Variants in EHBP1L1 observed in about 807,000 individuals in gnomAD.
EHBP1L1 encodes the protein EH domain-binding protein 1-like protein 1.
A neutral mutation model predicts 151.1 loss-of-function variants in EHBP1L1; 122 were observed. That is an observed-to-expected ratio of 0.81 (90% CI 0.70 to 0.94). The LOEUF is 0.94. Among genes scored for constraint, EHBP1L1 ranks in the 40% least tolerant of loss-of-function variants. The pLI is 0.00. For synonymous variants in EHBP1L1, 878 were observed against 810.1 expected, an observed-to-expected ratio of 1.08 and a Z score of -1.42; for missense variants, 1,941 against 1,959.8, an observed-to-expected ratio of 0.99 and a Z score of 0.18.
chr11:65,579,507 T>C, intron 3 of EHBP1L1, 71 bp downstream of exon 3: 1 of 1,243,592 alleles, frequency 8.0e-7, no homozygotes, highest in South Asian at 1.7e-5. Context: ...AACACAGGTC[T>C]CCTGGTAGGT....
chr11:65,580,963 G>C, intron 6 of EHBP1L1, 95 bp from the exon 7 acceptor site: 2 of 1,486,686 alleles, frequency 1.3e-6, no homozygotes, highest in Non-Finnish European at 9.0e-7. Context: ...GCGTTTCCCA[G>C]GTAGGACCTG....
intron 1 of EHBP1L1, 25 bp downstream of exon 1, chr11:65,576,431 CT>C (rs753125212): frequency 5.2e-6 from 8 of 1,541,704 alleles, no homozygotes; most frequent in Non-Finnish European, 7.0e-6. Context: ...GGCGGGGGGG[CT>C]CCCCCGAACT....
At position 65,584,296 on chromosome 11, in the gene EHBP1L1, TCAC is replaced by T. The variant is rs1271877107; in HGVS notation, c.3153_3155del (p.Thr1052del). 1 of 1,611,308 alleles carries T rather than the reference TCAC, an allele frequency of 6.2e-7. No individual in the cohort carries two copies. Among genetic ancestry groups the T allele is most frequent in the Non-Finnish European group, 8.5e-7 (1 of 1,178,878 alleles). ...TCCCTGCTGGAGTGGTGCCAGGAAGTCACCACTGGCTACCGTGGCGTCCGCATC... is the reference window on the plus strand; with the variant it reads ...TCCCTGCTGGAGTGGTGCCAGGAAGTCACTGGCTACCGTGGCGTCCGCATC... On this transcript the variant is annotated inframe_deletion, in exon 10 of 19. Coordinates refer to ENST00000309295, the MANE Select transcript of EHBP1L1 (RefSeq NM_001099409.3).
At chr11:65,580,788 T>C (rs1243171054) in intron 6 of EHBP1L1, 3 of 812,780 alleles carry the variant, frequency 3.7e-6, no homozygotes, top group Non-Finnish European at 5.5e-6. Flanking sequence ...GCCCGGCTCC[T>C]GATCCCTCAC....
intron 11 of EHBP1L1, 193 bp from the exon 12 acceptor site, chr11:65,584,766 T>A (rs894387252): frequency 1.0e-6 from 1 of 958,886 alleles, no homozygotes; most frequent in Non-Finnish European, 1.5e-6. Context: ...GGTAACGGGG[T>A]GGACGGTGTG....
chr11:65,580,646 C>T (rs536937688), intron 6 of EHBP1L1, among the ~76,000 whole-genome samples, 167 bp downstream of exon 6: 4 of 152,324 alleles, frequency 2.6e-5, no homozygotes, highest in African/African-American at 7.2e-5. Context: ...CTGCTGGTCC[C>T]ACGATAGCCT....
chr11:65,580,012 G>T, intron 4 of EHBP1L1, 23 bp downstream of exon 4: 1 of 1,613,738 alleles, frequency 6.2e-7, no homozygotes, highest in African/African-American at 1.3e-5. Flanking sequence ...AGTGGGCTCA[G>T]GTCTGGAATC....
At position 65,582,667 on chromosome 11, in the gene EHBP1L1, G is replaced by T. The variant is rs1326043113; in HGVS notation, c.1995G>T (p.Gln665His). ...AAGCTGGGGGTTCAGGAGTTTTGCA[G>T]ACAAGAACTACGATAGCAGAGACTG... is the stretch of plus-strand genomic sequence containing the variant. ...KTEAGGSGVL[Q>H]TRTTIAETEV... Residue 665 changes from glutamine to histidine, a missense_variant, in exon 9 of 19, where the codon CAG (glutamine) becomes CAT (histidine). Physicochemically the swap from Gln to His is conservative, Grantham distance 24 (BLOSUM62 0). Coordinates refer to ENST00000309295, the MANE Select transcript of EHBP1L1 (RefSeq NM_001099409.3). The T allele has an allele frequency of 6.2e-7, 1 of 1,613,518 alleles. No homozygotes were observed. The highest frequency in any genetic ancestry group is 8.5e-7 in the Non-Finnish European group (1 of 1,179,852).
chr11:65,589,736 C>T lies in EHBP1L1; in HGVS notation c.3934-15C>T. On this transcript the variant is annotated splice_polypyrimidine_tract_variant and intron_variant, in intron 12 of 18. Coordinates refer to ENST00000309295, the MANE Select transcript of EHBP1L1 (RefSeq NM_001099409.3). ...GGAAACCCCTCCCAGCCCTCACTGG[C>T]CCCTTCTTCCACAGGAAGGCCAGGC... 1 of 1,527,400 alleles carries T rather than the reference C, an allele frequency of 6.5e-7. No homozygotes were observed. The highest frequency in any genetic ancestry group is 8.8e-7 in the Non-Finnish European group (1 of 1,136,360). The allele number at this position is 1,527,400 out of a possible 1,614,324, so 94.6% of individuals were successfully genotyped here.
chr11:65,583,874 TG>T, intron 9 of EHBP1L1, 109 bp downstream of exon 9: 3 of 1,422,994 alleles, frequency 2.1e-6, no homozygotes, highest in Non-Finnish European at 2.7e-6. Flanking sequence ...TCGGGTGGGG[TG>T]GGGGGCTCAG....
At chr11:65,587,593 A>G (rs1858040249) in intron 12 of EHBP1L1, among the ~76,000 whole-genome samples, 1 of 152,158 alleles carries the variant, frequency 6.6e-6, no homozygotes, top group African/African-American at 2.4e-5. Flanking sequence ...GCCCCCTGCA[A>G]GTTGCTGTCA....
Position 65,591,962 on chromosome 11 carries a change from G to A in EHBP1L1, c.4358-14G>A, listed in dbSNP as rs750665312. On this transcript the variant is annotated splice_polypyrimidine_tract_variant and intron_variant, in intron 17 of 18. Coordinates refer to ENST00000309295, the MANE Select transcript of EHBP1L1 (RefSeq NM_001099409.3). ...GGCCCGCGCCTCCTGACGCTTAGCC[G>A]CTTCGACCCTCAGACTGGCAGAAAA... 1.2e-6 allele frequency: 2 copies of A among 1,609,724 alleles called. No individual in the cohort carries two copies. The highest frequency in any genetic ancestry group is 1.7e-6 in the Non-Finnish European group (2 of 1,176,884).
chr11:65,590,239 C>A, intron 15 of EHBP1L1, 29 bp downstream of exon 15: 1 of 1,609,422 alleles, frequency 6.2e-7, no homozygotes, highest in East Asian at 2.2e-5. Context: ...GATCCCTTCC[C>A]CAACACATGC....
chr11:65,592,591 GC>G lies in EHBP1L1; in HGVS notation c.*293del, dbSNP rs1476592576. ...GGGAGAGGGATGCCTGGGCACTACC[GC>G]CCCGCGCTGGCTTGCCCTCCTGTTC... On this transcript the variant is annotated 3_prime_UTR_variant, in exon 19 of 19. Transcript: ENST00000309295. 4.9e-6 allele frequency: 1 copy of G among 202,164 alleles called. No homozygotes were observed. The highest frequency in any genetic ancestry group is 1.0e-5 in the Non-Finnish European group (1 of 100,238). 12.5% of individuals were successfully genotyped at this position (202,164 alleles called of 1,614,324 possible). A position where few individuals can be genotyped will look rare whatever the true frequency, so the allele number is the denominator to read the frequency against.
At chr11:65,590,772 A>G (rs569161914) in intron 16 of EHBP1L1, among the ~76,000 whole-genome samples, 180 bp downstream of exon 16, 1 of 152,250 alleles carries the variant, frequency 6.6e-6, no homozygotes, top group Non-Finnish European at 1.5e-5. Flanking sequence ...ACGGTGTCTC[A>G]TGCCTGTAAT....
chr11:65,579,185 G>A (rs1469183526), intron 2 of EHBP1L1, 50 bp downstream of exon 2: 1 of 1,557,570 alleles, frequency 6.4e-7, no homozygotes, highest in African/African-American at 1.4e-5. Context: ...GGGGCCGGTG[G>A]GAGGCTGATG....
chr11:65,581,007 G>T, intron 6 of EHBP1L1, 51 bp from the exon 7 acceptor site: 1 of 1,551,284 alleles, frequency 6.4e-7, no homozygotes, highest in Non-Finnish European at 8.7e-7. Flanking sequence ...AGGCCTGTGG[G>T]GCCCTGCCCT....
rs761450105 is a variant in EHBP1L1, at chr11:65,582,398, G to T, written c.1726G>T (p.Val576Leu). 1 of 1,604,742 alleles carries T rather than the reference G, an allele frequency of 6.2e-7. No individual in the cohort carries two copies. The highest frequency in any genetic ancestry group is 1.4e-5 in the African/African-American group (1 of 74,068). The change falls in exon 9 of 19, where the codon GTG (valine) becomes TTG (leucine). Residue 576 changes from valine to leucine, a missense_variant. Transcript: ENST00000309295. ...GSGDLETETEVVGLEVLGTQE... is the reference protein window; with the variant it reads ...GSGDLETETELVGLEVLGTQE... ...AGGGGACCTGGAAACAGAGACTGAGGTGGTAGGGTTGGAGGTGCTGGGAAC... is the reference window on the plus strand; with the variant it reads ...AGGGGACCTGGAAACAGAGACTGAGTTGGTAGGGTTGGAGGTGCTGGGAAC...
chr11:65,576,470 C>T, intron 1 of EHBP1L1, 64 bp downstream of exon 1: 4 of 1,424,376 alleles, frequency 2.8e-6, no homozygotes, highest in Non-Finnish European at 2.9e-6. Flanking sequence ...GCCCTTTGAG[C>T]CTGAGAGGAC....
Sources: gnomAD v4.1 joint callset for allele counts (sites outside exome capture counted in the v4.1 genomes callset) on GRCh38, gnomAD v4.1.1 for gene constraint, MANE v1.5 for transcripts, NCBI Gene and HGNC (gene_info 2026-07-23, HGNC 2026-07-21) for gene names.